The following FAM153A variants were observed in gnomAD, a reference collection of about 807,000 sequenced individuals.
The protein encoded by FAM153A is protein FAM153A.
In FAM153A, 12 loss-of-function variants were observed where a neutral mutation model predicts 48.1. That is an observed-to-expected ratio of 0.25 (90% CI 0.16 to 0.40). FAM153A has a LOEUF of 0.40. Among genes scored for constraint, FAM153A ranks in the 10% least tolerant of loss-of-function variants. FAM153A has a pLI of 1.00. For missense variants in FAM153A, 111 were observed against 345.8 expected (o/e 0.32, Z 5.38); for synonymous variants, 36 against 118.2 (o/e 0.30, Z 4.51).
In FAM153A at chr5:177,759,945, T is replaced by C. The variant is rs141745900; in HGVS notation, c.-56-11246A>G. Among the ~76,000 whole-genome samples, 920 of 149,740 alleles carry C rather than the reference T, an allele frequency of 6.1e-3. 12 individuals are homozygous for C. Among genetic ancestry groups the C allele is most frequent in the African/African-American group, 0.022 (888 of 39,764 alleles). ...TTGTGCACATGTACCCTAAAACTTA[T>C]AGTATAATAAACAAAAAGTAAAAAA... On this transcript the variant is annotated intron_variant, in intron 1 of 8. Transcript: ENST00000393518.
chr5:177,759,971 TA>T lies in FAM153A; in HGVS notation c.-56-11273del, dbSNP rs1195922689. On this transcript the variant is annotated intron_variant, in intron 1 of 8. Coordinates refer to the FAM153A transcript ENST00000393518. Reference sequence around the variant, plus strand: ...AGTATAATAAACAAAAAGTAAAAAATAAAAAAAAACAAAAAAAACTGCATTA... The same window carrying T: ...AGTATAATAAACAAAAAGTAAAAAATAAAAAAAACAAAAAAAACTGCATTA... Among the ~76,000 whole-genome samples the T allele has an allele frequency of 4.1e-4, 58 of 140,966 alleles. 1 individual carries two copies. The highest frequency in any genetic ancestry group is 1.2e-3 in the African/African-American group (44 of 35,756). The allele number at this position is 140,966 out of a possible 152,430, so 92.5% of individuals were successfully genotyped here. A position where few individuals can be genotyped will look rare whatever the true frequency, so the allele number is the denominator to read the frequency against.
chr5:177,703,564 T>C (rs558712946), downstream of FAM153A, among the ~76,000 whole-genome samples: 8 of 149,358 alleles, frequency 5.4e-5, no homozygotes, highest in Admixed American at 2.7e-4. Flanking sequence ...GGACCTGACA[T>C]TGGGGACTGT....
At chr5:177,719,321 G>A (rs1402770305), downstream of FAM153A, among the ~76,000 whole-genome samples, 2 of 149,042 alleles carry the variant, frequency 1.3e-5, no homozygotes, top group South Asian at 2.2e-4. Context: ...GGATAAATGT[G>A]CCATCACAAA....
At chr5:177,706,186 A>T (rs182511203), downstream of FAM153A, among the ~76,000 whole-genome samples, 1,965 of 118,876 alleles carry the variant, frequency 0.017, 95 homozygotes, top group African/African-American at 0.052. Flanking sequence ...TGGAAAAAAT[A>T]TGTTTTTTTT....
chr5:177,781,264 ATTTTTTTTT>A (rs1303137176), upstream of FAM153A, among the ~76,000 whole-genome samples: 2 of 75,308 alleles, frequency 2.7e-5, no homozygotes, highest in African/African-American at 1.2e-4. Flanking sequence ...ACGCCCGGCT[ATTTTTTTTT>A]TTTTTTTTTT....
chr5:177,738,831 C>T (rs550778955), intron 10 of FAM153A, among the ~76,000 whole-genome samples: 2 of 151,810 alleles, frequency 1.3e-5, no homozygotes, highest in South Asian at 2.1e-4. Context: ...TGTACACATC[C>T]TCCCAAAGAC....
intron 1 of FAM153A, among the ~76,000 whole-genome samples, chr5:177,779,073 T>C (rs1399061337): frequency 6.6e-6 from 1 of 151,426 alleles, no homozygotes; most frequent in Non-Finnish European, 1.5e-5. Context: ...TATAGTATAA[T>C]AGTATAACTA....
exon 1 of FAM153A, chr5:177,753,183 G>A (rs768158771): frequency 7.4e-6 from 12 of 1,611,510 alleles, no homozygotes; most frequent in Middle Eastern, 3.3e-4. Flanking sequence ...TACCTTCAAG[G>A]CAACAACTAT....
chr5:177,706,142 T>G (rs558420923), downstream of FAM153A, among the ~76,000 whole-genome samples: 2,110 of 151,728 alleles, frequency 0.014, 106 homozygotes, highest in African/African-American at 0.049. Context: ...CCCAATATAG[T>G]CAAAATAATC....
In FAM153A at chr5:177,746,559, G is replaced by A. The variant is rs527909409; in HGVS notation, c.259+1210C>T. 2.6e-5 allele frequency among the ~76,000 whole-genome samples: 4 copies of A among 151,644 alleles called. No individual in the cohort carries two copies. In the South Asian group the frequency reaches 8.3e-4, roughly 31 times the overall value. ...TTCACTAACCTTTTGTTTCAAAGAA[G>A]ACTAAACCAAGATTTGAAAATACTC... is the stretch of plus-strand genomic sequence containing the variant. On this transcript the variant is annotated intron_variant, in intron 4 of 20. Transcript: ENST00000614127.
chr5:177,737,808 C>A (rs1302980567), intron 10 of FAM153A, among the ~76,000 whole-genome samples: 1 of 151,756 alleles, frequency 6.6e-6, no homozygotes, highest in African/African-American at 2.4e-5. Flanking sequence ...GTGTGAGCCA[C>A]CACGCCTGAC....
At chr5:177,771,163 T>G (rs1252714361) in intron 1 of FAM153A, among the ~76,000 whole-genome samples, 2 of 97,168 alleles carry the variant, frequency 2.1e-5, no homozygotes, top group Non-Finnish European at 4.3e-5. Context: ...AAGAAAATAT[T>G]GATAAAATGA....
intron 26 of FAM153A, chr5:177,713,650 C>T (rs1758969143): frequency 6.6e-6 from 1 of 151,868 alleles, no homozygotes; most frequent in Admixed American, 6.6e-5. Flanking sequence ...TCATGATCTG[C>T]CTGCCTTGGC....
At chr5:177,756,533 G>C (rs879690251), upstream of FAM153A, among the ~76,000 whole-genome samples, 5,933 of 138,294 alleles carry the variant, frequency 0.043, 7 homozygotes, top group African/African-American at 0.12. Context: ...CAGAATATAC[G>C]TTCTTCTCAG....
intron 2 of FAM153A, among the ~76,000 whole-genome samples, chr5:177,749,777 T>C (rs1294052046): frequency 7.1e-6 from 1 of 140,686 alleles, no homozygotes; most frequent in Non-Finnish European, 1.5e-5. Flanking sequence ...TCTATCATTA[T>C]AGAATTTAAT....
exon 12 of FAM153A, chr5:177,736,603 C>T (rs1561912529): frequency 1.3e-6 from 2 of 1,586,678 alleles, no homozygotes; most frequent in Non-Finnish European, 1.7e-6. Flanking sequence ...TCTGGGTCCC[C>T]CTCCATCTAG....
exon 27 of FAM153A, chr5:177,712,277 G>C (rs1280346025): frequency 6.6e-6 from 1 of 151,898 alleles, no homozygotes; most frequent in Non-Finnish European, 1.5e-5. Flanking sequence ...TTTGAGACCA[G>C]CCTGGCCAAC....
chr5:177,713,272 G>GA (rs1758824323), intron 26 of FAM153A: 3 of 55,756 alleles, frequency 5.4e-5, no homozygotes, highest in African/African-American at 1.6e-4. Context: ...TTTTTTTTTT[G>GA]AGGAGTCTCG....
At chr5:177,701,708 G>C in the FAM153A span, among the ~76,000 whole-genome samples, 1 of 151,962 alleles carries the variant, frequency 6.6e-6, no homozygotes, top group African/African-American at 2.4e-5. Flanking sequence ...TGTGGAAGCA[G>C]CTTTGGAACT....
Sources: gnomAD v4.1 joint callset for allele counts (sites outside exome capture counted in the v4.1 genomes callset) on GRCh38, gnomAD v4.1.1 for gene constraint, MANE v1.5 for transcripts, NCBI Gene and HGNC (gene_info 2026-07-23, HGNC 2026-07-21) for gene names.